SEPTIN10: variants seen among roughly 807,000 people sequenced by gnomAD.
SEPTIN10 encodes the protein septin-10.
SEPTIN10 carries 66 observed loss-of-function variants against 54.8 expected under a neutral mutation model. The observed-to-expected ratio is 1.21, with a 90% confidence interval of 0.99 to 1.48. SEPTIN10 has a LOEUF of 1.48. Among genes scored for constraint, SEPTIN10 ranks in the 40% most tolerant of loss-of-function variants. SEPTIN10 has a pLI of 0.00. For missense variants in SEPTIN10, 620 were observed against 545.6 expected, an observed-to-expected ratio of 1.14 and a Z score of -1.36; for synonymous variants, 161 against 181.0, an observed-to-expected ratio of 0.89 and a Z score of 0.89.
At chr2:109,553,508 C>T (rs1286290507) in intron 8 of SEPTIN10, among the ~76,000 whole-genome samples, 1 of 150,718 alleles carries the variant, frequency 6.6e-6, no homozygotes, top group Non-Finnish European at 1.5e-5. Context: ...CATGCCACTG[C>T]ACTCCAGCCT....
intron 6 of SEPTIN10, among the ~76,000 whole-genome samples, chr2:109,566,523 T>C (rs1687076101): frequency 6.6e-6 from 1 of 152,142 alleles, no homozygotes. Flanking sequence ...AAAATGTATA[T>C]GTAACTATAC....
chr2:109,599,066 C>T (rs1317316450), intron 1 of SEPTIN10, among the ~76,000 whole-genome samples: 1 of 152,030 alleles, frequency 6.6e-6, no homozygotes, highest in Non-Finnish European at 1.5e-5. Flanking sequence ...TAACAGTGAT[C>T]TAAAATTTTC....
chr2:109,552,854 A>ATT, intron 9 of SEPTIN10: 3 of 440,774 alleles, frequency 6.8e-6, no homozygotes, highest in Non-Finnish European at 1.2e-5. Flanking sequence ...TAAGAATTTC[A>ATT]ACGATTAGTG....
At chr2:109,574,024 C>T (rs1689006090) in intron 5 of SEPTIN10, among the ~76,000 whole-genome samples, 1 of 152,142 alleles carries the variant, frequency 6.6e-6, no homozygotes, top group Non-Finnish European at 1.5e-5. Context: ...CATGTTCTGG[C>T]ATGCAATTTA....
chr2:109,581,993 T>C (rs1227660141), intron 4 of SEPTIN10, among the ~76,000 whole-genome samples: 1 of 151,782 alleles, frequency 6.6e-6, no homozygotes, highest in Non-Finnish European at 1.5e-5. Flanking sequence ...GCAAAACCAA[T>C]GTACAAAAAT....
At chr2:109,560,247 C>A (rs1685354609) in intron 8 of SEPTIN10, among the ~76,000 whole-genome samples, 1 of 152,174 alleles carries the variant, frequency 6.6e-6, no homozygotes, top group Non-Finnish European at 1.5e-5. Flanking sequence ...TAACTGAACA[C>A]AAAGTGGTCT....
At chr2:109,600,492 A>C (rs184419453) in intron 1 of SEPTIN10, among the ~76,000 whole-genome samples, 21 of 152,088 alleles carry the variant, frequency 1.4e-4, no homozygotes, top group Middle Eastern at 3.4e-3. Flanking sequence ...TGCCCCTCAA[A>C]AAGACTGGAC....
At chr2:109,613,298 C>T in intron 1 of SEPTIN10, 1 of 670,414 alleles carries the variant, frequency 1.5e-6, no homozygotes, top group East Asian at 6.8e-5. Flanking sequence ...GGGAAAAAAA[C>T]GGTTTAAAAT....
chr2:109,577,291 G>A (rs963410604), intron 4 of SEPTIN10, among the ~76,000 whole-genome samples: 9 of 152,066 alleles, frequency 5.9e-5, no homozygotes, highest in African/African-American at 2.2e-4. Context: ...ATAATACCTC[G>A]TGTAGTTAAA....
chr2:109,567,409 C>T (rs529759910), intron 6 of SEPTIN10, among the ~76,000 whole-genome samples: 7 of 152,240 alleles, frequency 4.6e-5, no homozygotes, highest in African/African-American at 1.2e-4. Context: ...AGAGAAGGAG[C>T]ATAAATACTA....
intron 5 of SEPTIN10, among the ~76,000 whole-genome samples, chr2:109,571,502 G>C (rs1249544244): frequency 6.6e-6 from 1 of 152,166 alleles, no homozygotes; most frequent in Non-Finnish European, 1.5e-5. Flanking sequence ...GTAAGTGTGT[G>C]TATGTAGGCA....
At chr2:109,613,630 C>T (rs1699790736) in intron 1 of SEPTIN10, 168 bp downstream of exon 1, 2 of 395,970 alleles carry the variant, frequency 5.1e-6, no homozygotes, top group African/African-American at 4.2e-5. Flanking sequence ...TCCTCTCCCG[C>T]CCCAGGCGCC....
Position 109,584,729 on chromosome 2 carries a change from T to C in SEPTIN10, c.413+397A>G, listed in dbSNP as rs1040474428. Among the ~76,000 whole-genome samples, 33 of 152,292 alleles carry C rather than the reference T, an allele frequency of 2.2e-4. 1 individual carries two copies. Among genetic ancestry groups the C allele is most frequent in the Admixed American group, 1.4e-3 (22 of 15,282 alleles). On this transcript the variant is annotated intron_variant, in intron 4 of 10. Transcript: ENST00000397712. ...GTAACTGGCTAATTTGATTATAATT[T>C]TACAAAAAATTCAAGCATCATGTAT...
intron 1 of SEPTIN10, among the ~76,000 whole-genome samples, chr2:109,610,462 C>G (rs1452567559): frequency 6.6e-6 from 1 of 152,130 alleles, no homozygotes; most frequent in South Asian, 2.1e-4. Flanking sequence ...CGCCTGTAAT[C>G]CCAACACTTC....
chr2:109,549,985 C>T (rs1682466666), intron 9 of SEPTIN10, among the ~76,000 whole-genome samples: 1 of 152,164 alleles, frequency 6.6e-6, no homozygotes, highest in Non-Finnish European at 1.5e-5. Flanking sequence ...TTTGTAAACA[C>T]TACTTTTAAG....
chr2:109,569,427 A>G (rs1368685296), intron 5 of SEPTIN10, among the ~76,000 whole-genome samples: 2 of 144,952 alleles, frequency 1.4e-5, no homozygotes, highest in Non-Finnish European at 3.0e-5. Context: ...AACAAGAGCA[A>G]AACTCTTGTT....
intron 2 of SEPTIN10, among the ~76,000 whole-genome samples, chr2:109,591,634 C>T (rs957313338): frequency 2.0e-5 from 3 of 152,154 alleles, no homozygotes; most frequent in African/African-American, 4.8e-5. Flanking sequence ...TGGTGGCTCA[C>T]GTCTGTAATC....
chr2:109,572,609 CTTTTTTTTT>C (rs60520770), intron 5 of SEPTIN10, among the ~76,000 whole-genome samples: 1 of 111,202 alleles, frequency 9.0e-6, no homozygotes, highest in African/African-American at 3.8e-5. Flanking sequence ...TTTAAAACAA[CTTTTTTTTT>C]TTTTTTTTTT....
chr2:109,590,597 A>G (rs947596134), intron 2 of SEPTIN10, among the ~76,000 whole-genome samples: 7 of 151,930 alleles, frequency 4.6e-5, no homozygotes, highest in Non-Finnish European at 8.8e-5. Context: ...ACAGCTGACT[A>G]ATTTTTGTAT....
Sources: allele counts gnomAD v4.1 joint callset (sites outside exome capture counted in the v4.1 genomes callset), GRCh38; gene constraint gnomAD v4.1.1; transcripts MANE v1.5; gene names NCBI Gene and HGNC (gene_info 2026-07-23, HGNC 2026-07-21).